The following TCF20 variants were observed in gnomAD, a reference collection of about 807,000 sequenced individuals.
The protein encoded by TCF20 is SPRE-binding protein.
In TCF20, 3 loss-of-function variants were observed where a neutral mutation model predicts 148.6. The ratio of observed to expected loss-of-function variants is 0.02; its 90% CI spans 0.01 to 0.05. The LOEUF (loss-of-function observed/expected upper bound fraction) is 0.05, where lower values mean the gene tolerates loss of function less well. Among genes scored for constraint, TCF20 ranks in the 10% least tolerant of loss-of-function variants. TCF20 has a pLI of 1.00. For missense variants in TCF20, 2,350 were observed against 2,429.3 expected (o/e 0.97, Z 0.69); for synonymous variants, 1,049 against 909.5 (o/e 1.15, Z -2.76).
intron 1 of TCF20, among the ~76,000 whole-genome samples, chr22:42,334,241 CAT>C (rs1928027086): frequency 6.6e-6 from 1 of 152,172 alleles, no homozygotes; most frequent in East Asian, 1.9e-4. Flanking sequence ...ATCATTTTCT[CAT>C]GAGTCTGCCA....
chr22:42,258,801 T>C (rs1184670374), intron 1 of TCF20, among the ~76,000 whole-genome samples: 6 of 152,176 alleles, frequency 3.9e-5, no homozygotes, highest in Middle Eastern at 3.2e-3. Context: ...GCATTAAATA[T>C]ACCTTCGACT....
At position 42,161,327 on chromosome 22, in the gene TCF20, T is replaced by G. The variant is rs527776971; in HGVS notation, c.*76A>C. On this transcript the variant is annotated 3_prime_UTR_variant, in exon 6 of 6. Coordinates refer to ENST00000677622, the MANE Select transcript of TCF20 (RefSeq NM_001378418.1). Reference sequence around the variant, plus strand: ...AGGACGATTTCCATTCCATCACGAGTGTCCACCACCTTCTCATCTCCACAG... The same window carrying G: ...AGGACGATTTCCATTCCATCACGAGGGTCCACCACCTTCTCATCTCCACAG... 8.1e-6 allele frequency: 13 copies of G among 1,613,504 alleles called. No individual in the cohort carries two copies. In the East Asian group the frequency reaches 1.3e-4, roughly 17 times the overall value.
intron 1 of TCF20, among the ~76,000 whole-genome samples, chr22:42,303,990 T>C (rs8140842): frequency 0.64 from 96,918 of 151,766 alleles, 31,609 homozygotes; most frequent in African/African-American, 0.75. Flanking sequence ...TGGCAGACCA[T>C]ACTCCAGTCT....
rs891032735 is a variant in TCF20, at chr22:42,211,057, C to G, written c.4249G>C (p.Val1417Leu). The change falls in exon 2 of 6, where the codon GTC becomes CTC. Residue 1417 changes from valine (V) to leucine (L), a missense_variant. By Grantham distance (32) the Val-to-Leu change is conservative. This residue lies in a region of TCF20 where 231 missense variants were observed against 213.7 expected (regional missense o/e 1.08). Coordinates refer to ENST00000677622, the MANE Select transcript of TCF20 (RefSeq NM_001378418.1). ...TGCAACTCCTGGTTTGCTGGACTGA[C>G]TAGGTCCGAAGCCACCTCACCTTTT... The part of the protein sequence containing the change: ...KRKGEVASDL[V>L]SPANQELHVE... The G allele has an allele frequency of 1.9e-6, 3 of 1,614,056 alleles. No individual in the cohort carries two copies. The highest frequency in any genetic ancestry group is 2.5e-6 in the Non-Finnish European group (3 of 1,180,050).
intron 1 of TCF20, among the ~76,000 whole-genome samples, chr22:42,337,081 A>C (rs1184181039): frequency 6.6e-6 from 1 of 152,176 alleles, no homozygotes; most frequent in Non-Finnish European, 1.5e-5. Flanking sequence ...GAATGAGTGC[A>C]TGGAGTCCTG....
At chr22:42,163,696 G>C (rs368452931) in intron 5 of TCF20, among the ~76,000 whole-genome samples, 1 of 152,324 alleles carries the variant, frequency 6.6e-6, no homozygotes, top group South Asian at 2.1e-4. Context: ...GTGTGGCTGA[G>C]AGACGGCTGG....
At chr22:42,318,650 A>G (rs899063743) in intron 1 of TCF20, among the ~76,000 whole-genome samples, 2 of 152,052 alleles carry the variant, frequency 1.3e-5, no homozygotes, top group African/African-American at 4.8e-5. Context: ...ATCAGGGACC[A>G]CGAGTGAGGG....
chr22:42,162,649 A>G (rs569696138), intron 5 of TCF20, among the ~76,000 whole-genome samples: 61 of 152,338 alleles, frequency 4.0e-4, no homozygotes, highest in African/African-American at 1.5e-3. Flanking sequence ...GCTATCTGCC[A>G]ATCACTGTGC....
At chr22:42,234,404 T>C (rs1690449062) in intron 1 of TCF20, among the ~76,000 whole-genome samples, 1 of 152,158 alleles carries the variant, frequency 6.6e-6, no homozygotes, top group Admixed American at 6.5e-5. Context: ...CCAATGAACC[T>C]TTTTACAGTT....
chr22:42,295,750 T>C (rs981711995), intron 1 of TCF20, among the ~76,000 whole-genome samples: 2 of 152,192 alleles, frequency 1.3e-5, no homozygotes, highest in African/African-American at 4.8e-5. Flanking sequence ...TACTCCCTTA[T>C]GTTTTCATAC....
chr22:42,232,034 T>C (rs1923466040), intron 1 of TCF20, among the ~76,000 whole-genome samples: 1 of 152,012 alleles, frequency 6.6e-6, no homozygotes, highest in Non-Finnish European at 1.5e-5. Flanking sequence ...TGTTTATACA[T>C]CTACAGTAGT....
chr22:42,202,298 C>T (rs987227769), intron 2 of TCF20, among the ~76,000 whole-genome samples: 4 of 152,208 alleles, frequency 2.6e-5, no homozygotes, highest in Non-Finnish European at 5.9e-5. Flanking sequence ...CTGAAACCAC[C>T]TAACTGTTGA....
chr22:42,306,230 G>A (rs549565466), intron 1 of TCF20, among the ~76,000 whole-genome samples: 2 of 152,266 alleles, frequency 1.3e-5, no homozygotes, highest in African/African-American at 4.8e-5. Context: ...TTTGCAGGGA[G>A]AAATTAATGA....
At position 42,279,608 on chromosome 22, in the gene TCF20, C is replaced by T. The variant is rs922447910; in HGVS notation, c.-37+4219G>A. ...CACCCCCGAGTGAGGGCTGCAGGCACACAGTGACTGCGCTTCTCAGTGCCA... is the reference window on the plus strand; with the variant it reads ...CACCCCCGAGTGAGGGCTGCAGGCATACAGTGACTGCGCTTCTCAGTGCCA... On this transcript the variant is annotated intron_variant, in intron 1 of 5. Transcript: ENST00000359486. This position sits in a 1 kb window ranked among gnomAD's most constrained non-coding sequence, Gnocchi z 4.3. Among the ~76,000 whole-genome samples the T allele has an allele frequency of 3.9e-5, 6 of 152,214 alleles. No homozygotes were observed. Among genetic ancestry groups the T allele is most frequent in the Admixed American group, 3.9e-4 (6 of 15,290 alleles).
At chr22:42,227,602 GTCTT>G (rs1923031192) in intron 1 of TCF20, among the ~76,000 whole-genome samples, 1 of 152,152 alleles carries the variant, frequency 6.6e-6, no homozygotes, top group South Asian at 2.1e-4. Flanking sequence ...TCCCAACAAT[GTCTT>G]TCCTTTCTAG....
At chr22:42,332,556 T>C (rs577090370) in intron 1 of TCF20, among the ~76,000 whole-genome samples, 1 of 152,024 alleles carries the variant, frequency 6.6e-6, no homozygotes, top group Admixed American at 6.6e-5. Context: ...TAGGCTGGAG[T>C]GTAGTGGTAC....
rs1213024400 is a variant in TCF20 at position 42,290,030 on chromosome 22, A to C, written c.-37+53449T>G. Among the ~76,000 whole-genome samples the C allele has an allele frequency of 6.6e-6, 1 of 152,222 alleles. No homozygotes were observed. The highest frequency in any genetic ancestry group is 1.9e-4 in the East Asian group (1 of 5,196). ...CAGGCGGCCGGGGCGATGTTCCAGG[A>C]ATATTAATTCTCCACAGCCGGCTCA... On this transcript the variant is annotated intron_variant, in intron 1 of 1. Coordinates refer to the TCF20 transcript ENST00000515426. This position sits in a 1 kb window ranked among gnomAD's most constrained non-coding sequence, Gnocchi z 4.2.
intron 1 of TCF20, among the ~76,000 whole-genome samples, chr22:42,306,808 G>A (rs1185453144): frequency 6.6e-6 from 1 of 152,136 alleles, no homozygotes; most frequent in Non-Finnish European, 1.5e-5. Context: ...GGAGGCCAAG[G>A]TGGGCGGATC....
At chr22:42,176,434 G>C (rs1392859067) in intron 3 of TCF20, among the ~76,000 whole-genome samples, 3 of 152,196 alleles carry the variant, frequency 2.0e-5, no homozygotes, top group African/African-American at 7.2e-5. Flanking sequence ...CCTGCTCTGT[G>C]TATGTTATGC....
Sources: allele counts gnomAD v4.1 joint callset (sites outside exome capture counted in the v4.1 genomes callset), GRCh38; gene constraint gnomAD v4.1.1; regional missense constraint gnomAD v4.1.1; non-coding constraint Gnocchi (gnomAD v3.1); transcripts MANE v1.5; gene names NCBI Gene and HGNC (gene_info 2026-07-23, HGNC 2026-07-21).